The following PLA2G15 variants were observed in gnomAD, a reference collection of about 807,000 sequenced individuals.
PLA2G15 encodes the protein phospholipase A2 group XV, also known as lysosomal phospholipase A and acyltransferase.
A neutral mutation model predicts 40.9 loss-of-function variants in PLA2G15; 20 were observed. The observed-to-expected ratio is 0.49, with a 90% CI of 0.34 to 0.71. The LOEUF (loss-of-function observed/expected upper bound fraction) is 0.71, where lower values mean the gene tolerates loss of function less well. Ranked by LOEUF, PLA2G15 falls within the 30% of genes least tolerant of loss-of-function variation. PLA2G15 has a pLI of 0.01. For synonymous variants in PLA2G15, 223 were observed against 228.2 expected (o/e 0.98, Z 0.21); for missense variants, 471 against 541.9 (o/e 0.87, Z 1.30).
intron 5 of PLA2G15, among the ~76,000 whole-genome samples, chr16:68,257,195 T>C (rs1034052962): frequency 3.3e-5 from 5 of 152,064 alleles, no homozygotes; most frequent in African/African-American, 1.2e-4. Flanking sequence ...CCAGATTTTT[T>C]TGTATTTTTA....
chr16:68,255,602 A>G lies in PLA2G15; in HGVS notation c.503-164A>G. 1 of 662,848 alleles carries G rather than the reference A, an allele frequency of 1.5e-6. No individual in the cohort carries two copies. The highest frequency in any genetic ancestry group is 2.6e-6 in the Non-Finnish European group (1 of 378,584). 41.1% of individuals were successfully genotyped at this position (662,848 alleles called of 1,614,324 possible). ...GGGCCTGTGAGCCCTGGGGAGAAAT[A>G]TAAGGCTTCCTCCCTTCATGGAAGG... On this transcript the variant is annotated intron_variant, in intron 4 of 5. Transcript: ENST00000219345. This position sits in a 1 kb window ranked among gnomAD's most constrained non-coding sequence, Gnocchi z 5.9.
At chr16:68,246,248 G>A (rs774733548) in intron 1 of PLA2G15, among the ~76,000 whole-genome samples, 5 of 149,960 alleles carry the variant, frequency 3.3e-5, no homozygotes, top group African/African-American at 7.4e-5. Flanking sequence ...TGCTCACCCC[G>A]CTCCTTGATC....
At chr16:68,251,453 G>T (rs1478988035) in intron 2 of PLA2G15, among the ~76,000 whole-genome samples, 1 of 152,014 alleles carries the variant, frequency 6.6e-6, no homozygotes, top group African/African-American at 2.4e-5. Flanking sequence ...AGGCTGAGGT[G>T]GACAGATCAT....
At chr16:68,246,699 A>G (rs2042312333) in intron 1 of PLA2G15, among the ~76,000 whole-genome samples, 1 of 152,204 alleles carries the variant, frequency 6.6e-6, no homozygotes, top group African/African-American at 2.4e-5. Context: ...TGGGGCAAGC[A>G]CAGAGAATCC....
At chr16:68,250,174 CTTTTTTTTTT>C (rs1175749953) in intron 2 of PLA2G15, 3 of 133,722 alleles carry the variant, frequency 2.2e-5, no homozygotes, top group South Asian at 1.6e-4. Flanking sequence ...CTTCCATTCA[CTTTTTTTTTT>C]TTTTTTTTTT....
intron 1 of PLA2G15, among the ~76,000 whole-genome samples, chr16:68,247,036 C>T (rs1313138701): frequency 6.6e-6 from 1 of 152,172 alleles, no homozygotes; most frequent in Non-Finnish European, 1.5e-5. Flanking sequence ...TCAATTCAGT[C>T]AGTCTGTTTA....
chr16:68,248,652 G>T, intron 1 of PLA2G15: 1 of 791,204 alleles, frequency 1.3e-6, no homozygotes, highest in Non-Finnish European at 1.6e-6. Context: ...CTCCCAAAGT[G>T]CTGGGATTAC....
In PLA2G15 at chr16:68,255,954, G is replaced by T. The variant is rs778379895; in HGVS notation, c.691G>T (p.Gly231Trp). The T allele has an allele frequency of 1.2e-6, 2 of 1,611,774 alleles. No individual in the cohort carries two copies. The highest frequency in any genetic ancestry group is 1.7e-5 in the Admixed American group (1 of 59,990). The change falls in exon 5 of 6, where the codon GGG (glycine) becomes TGG (tryptophan). Residue 231 changes from glycine to tryptophan, a missense_variant. By Grantham distance (184) the Gly-to-Trp change is radical. Transcript: ENST00000219345. The surrounding 1 kb of genome is among the most constrained non-coding windows in gnomAD (Gnocchi z 5.9). ...CTTCGTGTCACTGGGTGCGCCCTGG[G>T]GGGGCGTGGCCAAGACCCTGCGCGT... ...RAFVSLGAPW[G>W]GVAKTLRVLA... is the part of the protein sequence containing the mutation.
intron 2 of PLA2G15, among the ~76,000 whole-genome samples, chr16:68,250,525 C>A (rs1032048390): frequency 6.6e-6 from 1 of 151,920 alleles, no homozygotes; most frequent in Admixed American, 6.6e-5. Flanking sequence ...CCTGCCTCAG[C>A]CTCCCAAAGT....
In PLA2G15 at chr16:68,255,730, C is replaced by T. The variant is rs201759592; in HGVS notation, c.503-36C>T. On this transcript the variant is annotated intron_variant, in intron 4 of 5. Coordinates refer to ENST00000219345, the MANE Select transcript of PLA2G15 (RefSeq NM_012320.4). This position sits in a 1 kb window ranked among gnomAD's most constrained non-coding sequence, Gnocchi z 5.9. Reference sequence around the variant, plus strand: ...GCTCAGTGGTTCCGGCTCCAGGACCCTTCCCACCTGACCCCTGCCTGGCTC... The same window carrying T: ...GCTCAGTGGTTCCGGCTCCAGGACCTTTCCCACCTGACCCCTGCCTGGCTC... The T allele has an allele frequency of 4.5e-5, 71 of 1,572,288 alleles. No homozygotes were observed. The highest frequency in any genetic ancestry group is 6.7e-5 in the East Asian group (3 of 44,674).
Position 68,259,455 on chromosome 16 carries a change from G to A in PLA2G15, c.1037G>A (p.Ser346Asn). 1.2e-6 allele frequency: 2 copies of A among 1,613,782 alleles called. No individual in the cohort carries two copies. The highest frequency in any genetic ancestry group is 3.3e-5 in the Admixed American group (2 of 60,036). The stretch of plus-strand genomic sequence containing the variant: ...ACACCAGACTCCTTCTACTATGAGA[G>A]CTTCCCTGACCGTGACCCTAAAATC... ...VPTPDSFYYESFPDRDPKICF... is the reference protein window; with the variant it reads ...VPTPDSFYYENFPDRDPKICF... Residue 346 changes from serine (S) to asparagine (N), a missense_variant, in exon 6 of 6, where the codon AGC (serine) becomes AAC (asparagine). Coordinates refer to ENST00000219345, the MANE Select transcript of PLA2G15 (RefSeq NM_012320.4). The surrounding 1 kb of genome is among the most constrained non-coding windows in gnomAD (Gnocchi z 6.5).
Position 68,245,469 on chromosome 16 carries a change from G to C in PLA2G15, c.43G>C (p.Asp15His). The change falls in exon 1 of 6, where the codon GAT (aspartate) becomes CAT (histidine). Residue 15 changes from aspartate to histidine, a missense_variant. Physicochemically the swap from Asp to His is moderately conservative, Grantham distance 81. Coordinates refer to ENST00000219345, the MANE Select transcript of PLA2G15 (RefSeq NM_012320.4). ...CCCCTACCGTGTGGGGCTGCTCCCG[G>C]ATGGCCTCCTGTTCCTCTTGCTGCT... ...LRPYRVGLLPDGLLFLLLLLM... is the reference protein window; with the variant it reads ...LRPYRVGLLPHGLLFLLLLLM... 1 of 1,606,720 alleles carries C rather than the reference G, an allele frequency of 6.2e-7. No homozygotes were observed. Among genetic ancestry groups the C allele is most frequent in the Non-Finnish European group, 8.5e-7 (1 of 1,179,724 alleles).
chr16:68,256,060 G>C, intron 5 of PLA2G15, 70 bp downstream of exon 5: 1 of 994,114 alleles, frequency 1.0e-6, no homozygotes, highest in Non-Finnish European at 1.5e-6. Context: ...CTTCCTAAGT[G>C]TCCTCCTGGG....
In PLA2G15 at chr16:68,255,088, G is replaced by A. The variant is rs781081134; in HGVS notation, c.403+51G>A. On this transcript the variant is annotated intron_variant, in intron 3 of 5. Coordinates refer to ENST00000219345, the MANE Select transcript of PLA2G15 (RefSeq NM_012320.4). The surrounding 1 kb of genome is among the most constrained non-coding windows in gnomAD (Gnocchi z 5.9). ...CGGGAGCTGGGATGGGGTTTCTGCC[G>A]GACTGGAGCTGGAGCTGGAGGAACT... is the stretch of plus-strand genomic sequence containing the variant. 17 of 1,269,476 alleles carry A rather than the reference G, an allele frequency of 1.3e-5. No homozygotes were observed. Among genetic ancestry groups the A allele is most frequent in the African/African-American group, 2.9e-5 (2 of 68,044 alleles). 78.6% of individuals were successfully genotyped at this position (1,269,476 alleles called of 1,614,324 possible).
At chr16:68,246,570 G>A (rs2042311106) in intron 1 of PLA2G15, among the ~76,000 whole-genome samples, 1 of 152,182 alleles carries the variant, frequency 6.6e-6, no homozygotes, top group Non-Finnish European at 1.5e-5. Flanking sequence ...TTCCCAGCCA[G>A]GAAAAGCTCC....
At chr16:68,246,527 G>A (rs2042310541) in intron 1 of PLA2G15, among the ~76,000 whole-genome samples, 1 of 152,194 alleles carries the variant, frequency 6.6e-6, no homozygotes, top group South Asian at 2.1e-4. Flanking sequence ...AGAGTTGGCA[G>A]GTAGGGTGGT....
In PLA2G15 at chr16:68,260,750, C is replaced by T. The variant is rs1458520900; in HGVS notation, c.*1093C>T. 6.6e-6 allele frequency: 1 copy of T among 152,268 alleles called. No individual in the cohort carries two copies. Among genetic ancestry groups the T allele is most frequent in the East Asian group, 1.9e-4 (1 of 5,184 alleles). The allele number at this position is 152,268 out of a possible 1,614,324, so 9.4% of individuals were successfully genotyped here. A position where few individuals can be genotyped will look rare whatever the true frequency, so the allele number is the denominator to read the frequency against. On this transcript the variant is annotated 3_prime_UTR_variant, in exon 6 of 6. Transcript: ENST00000219345. ...TGAGGCCCCCCTAGGGGCTTTCTGT[C>T]TGCCCCAGGGTGCTCCATGGATCTC... is the stretch of plus-strand genomic sequence containing the variant.
At chr16:68,246,179 T>C (rs552504097) in intron 1 of PLA2G15, among the ~76,000 whole-genome samples, 1 of 152,366 alleles carries the variant, frequency 6.6e-6, no homozygotes, top group African/African-American at 2.4e-5. Flanking sequence ...AACATGCTTG[T>C]ACTCTTACCC....
rs751652905 is a variant in PLA2G15 at position 68,259,455 on chromosome 16, G to C, written c.1037G>C (p.Ser346Thr). 1.2e-6 allele frequency: 2 copies of C among 1,613,782 alleles called. No homozygotes were observed. The highest frequency in any genetic ancestry group is 8.5e-7 in the Non-Finnish European group (1 of 1,180,020). The change falls in exon 6 of 6, where the codon AGC becomes ACC. Residue 346 changes from serine (S) to threonine (T), a missense_variant. Physicochemically the swap from Ser to Thr is moderately conservative, Grantham distance 58. Transcript: ENST00000219345. The surrounding 1 kb of genome is among the most constrained non-coding windows in gnomAD (Gnocchi z 6.5). ...ACACCAGACTCCTTCTACTATGAGA[G>C]CTTCCCTGACCGTGACCCTAAAATC... ...VPTPDSFYYE[S>T]FPDRDPKICF...
Sources: gnomAD v4.1 joint callset for allele counts (sites outside exome capture counted in the v4.1 genomes callset) on GRCh38, gnomAD v4.1.1 for gene constraint, Gnocchi (gnomAD v3.1) non-coding constraint, MANE v1.5 for transcripts, NCBI Gene and HGNC (gene_info 2026-07-23, HGNC 2026-07-21) for gene names.